The following BMP7 variants were observed in gnomAD, a reference collection of about 807,000 sequenced individuals.
The protein encoded by BMP7 is bone morphogenetic protein 7.
In BMP7, 12 loss-of-function variants were observed where a neutral mutation model predicts 41.2. The ratio of observed to expected loss-of-function variants is 0.29; its 90% CI spans 0.19 to 0.47. The LOEUF (loss-of-function observed/expected upper bound fraction) is 0.47, where lower values mean the gene tolerates loss of function less well. Among genes scored for constraint, BMP7 ranks in the 20% least tolerant of loss-of-function variants. The probability of loss-of-function intolerance (pLI) is 0.99; values close to 1 mark genes in which losing one functional copy is unlikely to be tolerated. For synonymous variants in BMP7, 248 were observed against 250.0 expected (o/e 0.99, Z 0.07); for missense variants, 467 against 606.0 (o/e 0.77, Z 2.41).
intron 2 of BMP7, among the ~76,000 whole-genome samples, chr20:57,217,511 C>T (rs913364868): frequency 4.6e-5 from 7 of 152,334 alleles, no homozygotes; most frequent in Middle Eastern, 3.4e-3. Flanking sequence ...ACCCACGTCA[C>T]TCAAGTTCAG....
At chr20:57,221,774 G>T (rs1337497281) in intron 2 of BMP7, among the ~76,000 whole-genome samples, 1 of 143,712 alleles carries the variant, frequency 7.0e-6, no homozygotes, top group Non-Finnish European at 1.5e-5. Context: ...TCACTCCACT[G>T]CACTCCAGCA....
rs1353299823 is a variant in BMP7 at position 57,219,155 on chromosome 20, A to G, written c.611+9074T>C. Among the ~76,000 whole-genome samples, 14 of 70,120 alleles carry G rather than the reference A, an allele frequency of 2.0e-4. 4 individuals are homozygous for G. Among genetic ancestry groups the G allele is most frequent in the African/African-American group, 2.0e-3 (14 of 7,016 alleles). 46.0% of individuals were successfully genotyped at this position (70,120 alleles called of 152,430 possible). ...AGCTGTTCGGTGGTAGCTGGTGTTC[A>G]GTGGTAGCTGTTCGGTGGTAGCTGG... On this transcript the variant is annotated intron_variant, in intron 2 of 6. Coordinates refer to ENST00000395863, the MANE Select transcript of BMP7 (RefSeq NM_001719.3).
Position 57,259,136 on chromosome 20 carries a change from C to G in BMP7, c.418+6569G>C, listed in dbSNP as rs571331037. Among the ~76,000 whole-genome samples, 2 of 152,298 alleles carry G rather than the reference C, an allele frequency of 1.3e-5. No individual in the cohort carries two copies. Among genetic ancestry groups the G allele is most frequent in the Non-Finnish European group, 2.9e-5 (2 of 68,026 alleles). The stretch of plus-strand genomic sequence containing the variant: ...GTCTAAAGAGAATCACTGTGGATGC[C>G]GTTCCAATCTCCCTTGCCAAGTCAC... On this transcript the variant is annotated intron_variant, in intron 1 of 6. Transcript: ENST00000395863. This position sits in a 1 kb window ranked among gnomAD's most constrained non-coding sequence, Gnocchi z 4.7.
intron 1 of BMP7, among the ~76,000 whole-genome samples, chr20:57,238,498 T>C (rs1320587560): frequency 6.6e-6 from 1 of 152,162 alleles, no homozygotes; most frequent in East Asian, 1.9e-4. Context: ...ACATTGTAGC[T>C]CTATTTTCAA....
intron 1 of BMP7, among the ~76,000 whole-genome samples, chr20:57,249,365 G>A (rs571901415): frequency 2.2e-4 from 33 of 152,220 alleles, no homozygotes; most frequent in Non-Finnish European, 3.8e-4. Context: ...AACGGAAGAA[G>A]CAGTGATCTG....
intron 2 of BMP7, among the ~76,000 whole-genome samples, chr20:57,211,651 T>A (rs1051353111): frequency 6.6e-6 from 1 of 151,886 alleles, no homozygotes; most frequent in Non-Finnish European, 1.5e-5. Flanking sequence ...AAAGGAATCA[T>A]AAGGGTCCTG....
At chr20:57,245,051 TC>T (rs1336859064) in intron 1 of BMP7, among the ~76,000 whole-genome samples, 3 of 151,888 alleles carry the variant, frequency 2.0e-5, no homozygotes, top group Non-Finnish European at 4.4e-5. Flanking sequence ...AAAATAAGAG[TC>T]TTCTTTAAAG....
chr20:57,234,291 G>A (rs1449542200), intron 1 of BMP7, among the ~76,000 whole-genome samples: 2 of 152,142 alleles, frequency 1.3e-5, no homozygotes, highest in African/African-American at 2.4e-5. Context: ...GCCCCTGTTC[G>A]CTCTCCCCGC....
At chr20:57,212,341 G>A (rs1984910935) in intron 2 of BMP7, among the ~76,000 whole-genome samples, 1 of 152,244 alleles carries the variant, frequency 6.6e-6, no homozygotes, top group African/African-American at 2.4e-5. Flanking sequence ...GAGGGCACAG[G>A]TGCACGATGT....
chr20:57,230,709 C>T (rs1446397183), intron 1 of BMP7, among the ~76,000 whole-genome samples: 2 of 150,116 alleles, frequency 1.3e-5, no homozygotes, highest in African/African-American at 2.5e-5. Context: ...CAGAGTCTCG[C>T]TCTGTCACCC....
At position 57,170,932 on chromosome 20, in the gene BMP7, C is replaced by T; in HGVS notation, c.*27G>A. ...AATGGAGGATCCAGAAAAACTTGGC[C>T]CCAAAGGGTCTGAATTCTCGGAGGA... On this transcript the variant is annotated 3_prime_UTR_variant, in exon 7 of 7. Transcript: ENST00000395863. The T allele has an allele frequency of 4.3e-6, 7 of 1,611,228 alleles. No individual in the cohort carries two copies. The highest frequency in any genetic ancestry group is 5.1e-6 in the Non-Finnish European group (6 of 1,179,592).
At chr20:57,175,338 A>G (rs1983899193) in intron 4 of BMP7, among the ~76,000 whole-genome samples, 1 of 152,144 alleles carries the variant, frequency 6.6e-6, no homozygotes, top group East Asian at 1.9e-4. Flanking sequence ...TGGATTCCAT[A>G]AGGGAATCAA....
intron 1 of BMP7, among the ~76,000 whole-genome samples, chr20:57,248,660 C>T (rs900775084): frequency 1.3e-5 from 2 of 152,216 alleles, no homozygotes; most frequent in African/African-American, 4.8e-5. Flanking sequence ...TATCACTGAG[C>T]TGCCCCTGCA....
chr20:57,180,791 A>C (rs895932678), intron 4 of BMP7, among the ~76,000 whole-genome samples: 3 of 152,166 alleles, frequency 2.0e-5, no homozygotes, highest in Non-Finnish European at 4.4e-5. Context: ...ACACAGACCC[A>C]CTGAGGTCCA....
intron 1 of BMP7, among the ~76,000 whole-genome samples, chr20:57,236,161 G>A (rs1366889530): frequency 6.6e-6 from 1 of 152,216 alleles, no homozygotes; most frequent in Non-Finnish European, 1.5e-5. Flanking sequence ...TCTCTTGTCA[G>A]GACCCCAGAA....
intron 4 of BMP7, among the ~76,000 whole-genome samples, chr20:57,175,889 C>T (rs948879824): frequency 2.6e-5 from 4 of 152,240 alleles, no homozygotes; most frequent in Non-Finnish European, 5.9e-5. Context: ...AGCTCACTCC[C>T]ACCGCAGGGC....
intron 1 of BMP7, among the ~76,000 whole-genome samples, chr20:57,256,656 G>A (rs1312342484): frequency 6.6e-6 from 1 of 152,178 alleles, no homozygotes; most frequent in Admixed American, 6.5e-5. Flanking sequence ...TAAAACCTGA[G>A]GTCAGGAGTT....
intron 3 of BMP7, among the ~76,000 whole-genome samples, chr20:57,199,960 T>G (rs375700817): frequency 6.6e-6 from 1 of 152,104 alleles, no homozygotes; most frequent in Non-Finnish European, 1.5e-5. Flanking sequence ...ATCTAATCCT[T>G]GATCTGACTC....
intron 4 of BMP7, among the ~76,000 whole-genome samples, chr20:57,183,249 G>T (rs1024786660): frequency 1.3e-5 from 2 of 151,694 alleles, no homozygotes; most frequent in South Asian, 2.1e-4. Context: ...AAAAAAAAAT[G>T]TGTGTGTGTG....
Sources: allele counts gnomAD v4.1 joint callset (sites outside exome capture counted in the v4.1 genomes callset), GRCh38; gene constraint gnomAD v4.1.1; non-coding constraint Gnocchi (gnomAD v3.1); transcripts MANE v1.5; gene names NCBI Gene and HGNC (gene_info 2026-07-23, HGNC 2026-07-21).